Variants in NEGR1 observed in about 807,000 individuals in gnomAD.
The protein encoded by NEGR1 is IgLON family member 4.
In NEGR1, 10 loss-of-function variants were observed where a neutral mutation model predicts 40.9. That is an observed-to-expected ratio of 0.24 (90% CI 0.15 to 0.42). The LOEUF is 0.42. Ranked by LOEUF, NEGR1 falls within the 10% of genes least tolerant of loss-of-function variation. The probability of loss-of-function intolerance (pLI) is 1.00; values close to 1 mark genes in which losing one functional copy is unlikely to be tolerated. For synonymous variants in NEGR1, 185 were observed against 166.8 expected (o/e 1.11, Z -0.84); for missense variants, 352 against 438.9 (o/e 0.80, Z 1.77).
At chr1:72,145,496 T>A (rs1376636861) in intron 1 of NEGR1, among the ~76,000 whole-genome samples, 1 of 152,164 alleles carries the variant, frequency 6.6e-6, no homozygotes, top group Non-Finnish European at 1.5e-5. Flanking sequence ...AGCAATCATG[T>A]GCAAACTTAA....
intron 1 of NEGR1, among the ~76,000 whole-genome samples, chr1:72,055,142 C>G (rs1647098801): frequency 6.6e-6 from 1 of 151,122 alleles, no homozygotes; most frequent in Non-Finnish European, 1.5e-5. Context: ...TTTTTCAATA[C>G]TGATGCCAAA....
chr1:72,085,950 C>T (rs958531358), intron 1 of NEGR1, among the ~76,000 whole-genome samples: 4 of 116,230 alleles, frequency 3.4e-5, no homozygotes, highest in Non-Finnish European at 6.6e-5. Context: ...AGCCTGGCGA[C>T]AGAGTGAGAC....
chr1:71,694,076 TG>T (rs1336770737), intron 4 of NEGR1, among the ~76,000 whole-genome samples: 1 of 151,750 alleles, frequency 6.6e-6, no homozygotes, highest in Non-Finnish European at 1.5e-5. Context: ...ATGGGCTTTC[TG>T]AGACTCATTC....
intron 4 of NEGR1, among the ~76,000 whole-genome samples, chr1:71,619,994 G>A (rs1009319822): frequency 9.2e-5 from 14 of 151,954 alleles, no homozygotes; most frequent in African/African-American, 2.7e-4. Flanking sequence ...TATTAAAAAC[G>A]AGTAAATCCA....
rs1192211895 is a variant in NEGR1, at chr1:71,519,746, TA to T, written c.940+73070del. Among the ~76,000 whole-genome samples the T allele has an allele frequency of 2.3e-4, 30 of 132,642 alleles. No homozygotes were observed. The East Asian group carries it at 2.6e-3, about 11-fold the overall frequency. 87.0% of individuals were successfully genotyped at this position (132,642 alleles called of 152,430 possible). On this transcript the variant is annotated intron_variant, in intron 6 of 6. Transcript: ENST00000357731. ...GAGTATAATAAAAAAAAAAAAAAAT[TA>T]AAAAAAAACAAAAAAAGATCACACA...
chr1:71,561,532 C>G (rs1454340300), intron 6 of NEGR1, among the ~76,000 whole-genome samples: 1 of 151,606 alleles, frequency 6.6e-6, no homozygotes, highest in Non-Finnish European at 1.5e-5. Context: ...ATGCCAATCT[C>G]AAGCCAAATT....
intron 2 of NEGR1, among the ~76,000 whole-genome samples, chr1:71,910,423 C>T (rs1661393935): frequency 6.6e-6 from 1 of 152,164 alleles, no homozygotes; most frequent in South Asian, 2.1e-4. Context: ...TGATTATTCT[C>T]ATTTTACAGA....
chr1:71,879,672 A>G (rs75866531), intron 2 of NEGR1, among the ~76,000 whole-genome samples: 2 of 152,194 alleles, frequency 1.3e-5, no homozygotes, highest in African/African-American at 4.8e-5. Flanking sequence ...GAAAAACAAC[A>G]TAACTTTCTT....
intron 2 of NEGR1, among the ~76,000 whole-genome samples, chr1:71,816,008 A>C (rs527921657): frequency 2.0e-5 from 3 of 152,212 alleles, no homozygotes; most frequent in Admixed American, 2.0e-4. Context: ...ATTGAATTTC[A>C]AGGTGCATCA....
intron 6 of NEGR1, among the ~76,000 whole-genome samples, chr1:71,576,014 C>A (rs1648955388): frequency 6.6e-6 from 1 of 152,170 alleles, no homozygotes; most frequent in Non-Finnish European, 1.5e-5. Flanking sequence ...GCCATGCAAG[C>A]TGCTCAGCCC....
rs1421252623 is a variant in NEGR1 at position 72,248,395 on chromosome 1, T to A, written c.176+33924A>T. On this transcript the variant is annotated intron_variant, in intron 1 of 6. Transcript: ENST00000357731. ...CCCTCAGCCTCCCGAGTAGCTAGGA[T>A]TATTGGCGCTTGTCACCACGCCTGG... is the stretch of plus-strand genomic sequence containing the variant. Among the ~76,000 whole-genome samples, 8 of 151,654 alleles carry A rather than the reference T, an allele frequency of 5.3e-5. No individual in the cohort carries two copies. In the East Asian group the frequency reaches 1.6e-3, roughly 30 times the overall value.
chr1:72,032,624 T>C (rs947891053), intron 1 of NEGR1, among the ~76,000 whole-genome samples: 6 of 152,176 alleles, frequency 3.9e-5, no homozygotes, highest in African/African-American at 1.4e-4. Flanking sequence ...TTCACACACA[T>C]AAAATCTTTT....
chr1:71,885,351 G>A (rs1660695744), intron 2 of NEGR1, among the ~76,000 whole-genome samples: 1 of 152,228 alleles, frequency 6.6e-6, no homozygotes, highest in African/African-American at 2.4e-5. Flanking sequence ...AAGAAACCCT[G>A]CATAAGTGGG....
intron 2 of NEGR1, among the ~76,000 whole-genome samples, chr1:71,876,585 C>CAAGG (rs1237911723): frequency 7.4e-6 from 1 of 135,242 alleles, no homozygotes; most frequent in Non-Finnish European, 1.6e-5. Flanking sequence ...GGGAGGGAGG[C>CAAGG]AAGGAAGGAA....
rs941165592 is a variant in NEGR1 at position 72,027,404 on chromosome 1, T to C, written c.177-92093A>G. 4.4e-4 allele frequency among the ~76,000 whole-genome samples: 67 copies of C among 152,006 alleles called. 1 individual carries two copies. The highest frequency in any genetic ancestry group is 4.1e-3 in the Admixed American group (62 of 15,238). On this transcript the variant is annotated intron_variant, in intron 1 of 6. Coordinates refer to ENST00000357731, the MANE Select transcript of NEGR1 (RefSeq NM_173808.3). ...TTACAAAGGATTTAGCCTTCACTGG[T>C]TTCATATGATAGATCTATTAGCTCA...
intron 3 of NEGR1, among the ~76,000 whole-genome samples, chr1:71,733,944 A>C (rs1353189860): frequency 6.6e-6 from 1 of 152,130 alleles, no homozygotes; most frequent in Admixed American, 6.5e-5. Context: ...AAACTATTAA[A>C]TCTTTCAACA....
chr1:72,134,086 C>A (rs981974816), intron 1 of NEGR1, among the ~76,000 whole-genome samples: 1 of 151,884 alleles, frequency 6.6e-6, no homozygotes, highest in Non-Finnish European at 1.5e-5. Context: ...CATTTAAATG[C>A]TTGTTAATTC....
At chr1:71,492,062 C>G (rs1243888352) in intron 6 of NEGR1, among the ~76,000 whole-genome samples, 1 of 152,060 alleles carries the variant, frequency 6.6e-6, no homozygotes, top group Non-Finnish European at 1.5e-5. Context: ...ATCTTGGAAG[C>G]AGCAATGAAG....
At chr1:72,046,388 T>C (rs1647002490) in intron 1 of NEGR1, among the ~76,000 whole-genome samples, 1 of 151,578 alleles carries the variant, frequency 6.6e-6, no homozygotes, top group African/African-American at 2.4e-5. Flanking sequence ...TGAGGAAAAG[T>C]ATACAAAGAA....
Sources: allele counts gnomAD v4.1 joint callset (sites outside exome capture counted in the v4.1 genomes callset), GRCh38; gene constraint gnomAD v4.1.1; transcripts MANE v1.5; gene names NCBI Gene and HGNC (gene_info 2026-07-23, HGNC 2026-07-21).